Variants in RCOR1 observed in about 807,000 individuals in gnomAD.
RCOR1 encodes the protein REST corepressor.
RCOR1 carries 12 observed loss-of-function variants against 64.0 expected under a neutral mutation model. The ratio of observed to expected loss-of-function variants is 0.19; its 90% CI spans 0.12 to 0.30. RCOR1 has a LOEUF of 0.30. RCOR1 is among the 10% of genes least tolerant of loss of function. RCOR1 has a pLI of 1.00. For synonymous variants in RCOR1, 279 were observed against 227.2 expected, an observed-to-expected ratio of 1.23 and a Z score of -2.05; for missense variants, 502 against 621.2, an observed-to-expected ratio of 0.81 and a Z score of 2.04.
At chr14:102,677,471 C>G (rs1303234228) in intron 2 of RCOR1, among the ~76,000 whole-genome samples, 27 of 137,120 alleles carry the variant, frequency 2.0e-4, no homozygotes, top group African/African-American at 7.6e-4. Flanking sequence ...AGAGGGTTTC[C>G]TCACTTCTCA....
At chr14:102,645,580 C>G (rs189354373) in intron 2 of RCOR1, among the ~76,000 whole-genome samples, 1 of 152,152 alleles carries the variant, frequency 6.6e-6, no homozygotes, top group Non-Finnish European at 1.5e-5. Context: ...TCTTAAAGGC[C>G]TTGCAATTTC....
chr14:102,660,493 A>G (rs746851103), intron 2 of RCOR1, among the ~76,000 whole-genome samples: 1 of 152,082 alleles, frequency 6.6e-6, no homozygotes, highest in South Asian at 2.1e-4. Context: ...GGCTCCAGCA[A>G]TCCTCCCACC....
intron 2 of RCOR1, among the ~76,000 whole-genome samples, chr14:102,599,182 G>A (rs530003856): frequency 3.3e-5 from 5 of 151,412 alleles, no homozygotes; most frequent in Admixed American, 2.6e-4. Flanking sequence ...CCAGTATAGT[G>A]GTGTGATCAT....
intron 2 of RCOR1, chr14:102,655,822 A>C (rs1413662489): frequency 3.7e-6 from 1 of 267,610 alleles, no homozygotes; most frequent in Non-Finnish European, 5.7e-6. Flanking sequence ...GTGTGGTCAC[A>C]GGCGTCTGTA....
intron 2 of RCOR1, among the ~76,000 whole-genome samples, chr14:102,605,067 CAAAAAAAAAAAAAA>C (rs71119718): frequency 3.2e-5 from 3 of 93,996 alleles, no homozygotes; most frequent in Admixed American, 2.4e-4. Context: ...TATTCCATCT[CAAAAAAAAAAAAAA>C]AAAAAAAAGG....
intron 2 of RCOR1, among the ~76,000 whole-genome samples, chr14:102,639,980 G>A (rs142259704): frequency 9.5e-4 from 145 of 152,238 alleles, no homozygotes; most frequent in Non-Finnish European, 1.2e-3. Context: ...TGAGCAGCTG[G>A]GATTACAGGC....
At chr14:102,602,477 C>T (rs1893424515) in intron 2 of RCOR1, among the ~76,000 whole-genome samples, 1 of 148,418 alleles carries the variant, frequency 6.7e-6, no homozygotes, top group Non-Finnish European at 1.5e-5. Context: ...AGTCTCCTCT[C>T]ACTGTAACCT....
chr14:102,709,316 G>A (rs1175480581), intron 6 of RCOR1, among the ~76,000 whole-genome samples: 1 of 152,186 alleles, frequency 6.6e-6, no homozygotes, highest in Non-Finnish European at 1.5e-5. Context: ...CTAAAATGAA[G>A]ATGTTTGAAG....
intron 2 of RCOR1, among the ~76,000 whole-genome samples, chr14:102,627,656 TAAA>T (rs533375860): frequency 5.0e-5 from 7 of 140,172 alleles, no homozygotes; most frequent in African/African-American, 1.5e-4. Flanking sequence ...GACTCTGTCT[TAAA>T]AAAAAAAAAA....
At chr14:102,722,697 A>C (rs767275157) in intron 11 of RCOR1, among the ~76,000 whole-genome samples, 4 of 152,182 alleles carry the variant, frequency 2.6e-5, no homozygotes, top group Admixed American at 2.6e-4. Flanking sequence ...AATACAGTAA[A>C]ATCTTGAGTG....
intron 2 of RCOR1, among the ~76,000 whole-genome samples, chr14:102,653,373 C>T (rs539495990): frequency 3.9e-5 from 6 of 152,224 alleles, no homozygotes; most frequent in South Asian, 4.2e-4. Context: ...CACTCGCTAC[C>T]GTGCCCAGCT....
chr14:102,641,129 C>T (rs1894360357), intron 2 of RCOR1, among the ~76,000 whole-genome samples: 1 of 151,922 alleles, frequency 6.6e-6, no homozygotes, highest in African/African-American at 2.4e-5. Context: ...GTGGCGCGTG[C>T]CTGTGGTCCC....
At chr14:102,708,668 G>GT in intron 6 of RCOR1, 85 bp downstream of exon 6, 2 of 748,438 alleles carry the variant, frequency 2.7e-6, no homozygotes, top group Non-Finnish European at 2.3e-6. Flanking sequence ...AGAATGACTG[G>GT]TTTTCCCTCC....
At chr14:102,653,995 T>TCTTTCTTTCTTTGTTTC (rs1567423523) in intron 2 of RCOR1, among the ~76,000 whole-genome samples, 1 of 119,112 alleles carries the variant, frequency 8.4e-6, no homozygotes, top group African/African-American at 3.7e-5. Context: ...TTTTTTTTTT[T>TCTTTCTTTCTTTGTTTC]TTTTTTTTGA....
At chr14:102,645,875 C>T (rs571769810) in intron 2 of RCOR1, among the ~76,000 whole-genome samples, 118 of 152,130 alleles carry the variant, frequency 7.8e-4, no homozygotes, top group Non-Finnish European at 1.1e-3. Context: ...CGAGCTGAGC[C>T]GCCTCCACAA....
intron 10 of RCOR1, 66 bp downstream of exon 10, chr14:102,721,443 C>T: frequency 8.2e-7 from 1 of 1,224,328 alleles, no homozygotes; most frequent in South Asian, 1.3e-5. Context: ...GTAATCCCAA[C>T]ATTTTGGAAG....
Position 102,701,201 on chromosome 14 carries a change from CGT to C in RCOR1, c.446-76_446-75del, listed in dbSNP as rs778789965. 138 of 1,153,602 alleles carry C rather than the reference CGT, an allele frequency of 1.2e-4. 1 individual carries two copies. The highest frequency in any genetic ancestry group is 1.7e-4 in the Non-Finnish European group (127 of 762,000). The allele number at this position is 1,153,602 out of a possible 1,614,324, so 71.5% of individuals were successfully genotyped here. A position where few individuals can be genotyped will look rare whatever the true frequency, so the allele number is the denominator to read the frequency against. On this transcript the variant is annotated intron_variant, in intron 3 of 11. Transcript: ENST00000262241. The stretch of plus-strand genomic sequence containing the variant: ...CATATCAGCAGGCCTGAAATATACA[CGT>C]ATATCAATTCTAGCAGACCATAGGG...
intron 2 of RCOR1, chr14:102,659,354 GT>G (rs1219461710): frequency 1.2e-6 from 1 of 813,622 alleles, no homozygotes; most frequent in Non-Finnish European, 1.5e-6. Flanking sequence ...AAAGTCTTCC[GT>G]TTTTATTTTG....
chr14:102,594,662 CTTTT>C (rs879395980), intron 2 of RCOR1, among the ~76,000 whole-genome samples: 5 of 140,570 alleles, frequency 3.6e-5, no homozygotes, highest in Non-Finnish European at 7.8e-5. Context: ...CTCCCCAATT[CTTTT>C]TTTTTTTTTT....
Sources: gnomAD v4.1 joint callset for allele counts (sites outside exome capture counted in the v4.1 genomes callset) on GRCh38, gnomAD v4.1.1 for gene constraint, MANE v1.5 for transcripts, NCBI Gene and HGNC (gene_info 2026-07-23, HGNC 2026-07-21) for gene names.